The following KLF3 variants were observed in gnomAD, a reference collection of about 807,000 sequenced individuals.
KLF3 encodes the protein Krueppel-like factor 3.
In KLF3, 6 loss-of-function variants were observed where a neutral mutation model predicts 32.7. The ratio of observed to expected loss-of-function variants is 0.18; its 90% confidence interval spans 0.10 to 0.36. KLF3 has a LOEUF of 0.36. KLF3 is among the 10% of genes least tolerant of loss of function. The pLI is 1.00. For missense variants in KLF3, 338 were observed against 449.7 expected, an observed-to-expected ratio of 0.75 and a Z score of 2.25; for synonymous variants, 145 against 172.8, an observed-to-expected ratio of 0.84 and a Z score of 1.26.
rs1387318640 is a variant in KLF3, at chr4:38,699,564, A to G, written c.*2301A>G. 6.6e-6 allele frequency: 1 copy of G among 152,266 alleles called. No homozygotes were observed. Among genetic ancestry groups the G allele is most frequent in the African/African-American group, 2.4e-5 (1 of 41,468 alleles). The allele number at this position is 152,266 out of a possible 1,614,324, so 9.4% of individuals were successfully genotyped here. On this transcript the variant is annotated 3_prime_UTR_variant, in exon 6 of 6. Coordinates refer to ENST00000261438, the MANE Select transcript of KLF3 (RefSeq NM_016531.6). ...TGGGATCAGCTTTGAGCCTGAGTTC[A>G]GTGAATAGCCTCATGGGCATCTCAT...
intron 4 of KLF3, among the ~76,000 whole-genome samples, chr4:38,693,056 A>T (rs1276346305): frequency 3.5e-5 from 5 of 144,814 alleles, no homozygotes; most frequent in Non-Finnish European, 7.5e-5. Context: ...GTTTGCACAT[A>T]TATATATATG....
At chr4:38,675,397 C>T (rs1054810928) in intron 1 of KLF3, among the ~76,000 whole-genome samples, 4 of 151,870 alleles carry the variant, frequency 2.6e-5, no homozygotes, top group African/African-American at 7.3e-5. Flanking sequence ...CCTTCCCCCC[C>T]CTTTTGGATG....
chr4:38,701,006 A>G lies in KLF3; in HGVS notation c.*3743A>G, dbSNP rs1237617490. 1 of 152,214 alleles carries G rather than the reference A, an allele frequency of 6.6e-6. No individual in the cohort carries two copies. The highest frequency in any genetic ancestry group is 2.4e-5 in the African/African-American group (1 of 41,442). 9.4% of individuals were successfully genotyped at this position (152,214 alleles called of 1,614,324 possible). On this transcript the variant is annotated 3_prime_UTR_variant, in exon 6 of 6. Transcript: ENST00000261438. ...ATACTATATACAGTATGCAATATAT[A>G]TTATATACTTGTTAATAAAACCATC...
intron 1 of KLF3, among the ~76,000 whole-genome samples, chr4:38,668,798 G>A (rs180978502): frequency 6.6e-6 from 1 of 152,294 alleles, no homozygotes; most frequent in African/African-American, 2.4e-5. Flanking sequence ...GCAGGGAGAT[G>A]AAGTGGTTAA....
intron 4 of KLF3, 21 bp from the exon 5 acceptor site, chr4:38,694,725 C>T (rs1722999007): frequency 1.9e-6 from 3 of 1,542,804 alleles, no homozygotes; most frequent in African/African-American, 1.4e-5. Context: ...AACATTTGGC[C>T]TGTAACCTTG....
chr4:38,682,494 A>G (rs1019737738), intron 2 of KLF3, among the ~76,000 whole-genome samples: 1 of 152,256 alleles, frequency 6.6e-6, no homozygotes, highest in Admixed American at 6.5e-5. Flanking sequence ...TTCTTGAAAT[A>G]GGAATAGGTT....
Position 38,671,871 on chromosome 4 carries a change from T to G in KLF3, c.-40+7410T>G, listed in dbSNP as rs939149276. ...TCCTTGATCCCTTTTCAAAAACCTG[T>G]GTTTGTGCACACACCCCTTCCCCTT... On this transcript the variant is annotated intron_variant, in intron 1 of 5. Transcript: ENST00000261438. The surrounding 1 kb of genome is among the most constrained non-coding windows in gnomAD (Gnocchi z 4.4). Among the ~76,000 whole-genome samples the G allele has an allele frequency of 2.6e-5, 4 of 152,156 alleles. No individual in the cohort carries two copies. Among genetic ancestry groups the G allele is most frequent in the Non-Finnish European group, 5.9e-5 (4 of 68,032 alleles).
In KLF3 at chr4:38,671,968, A is replaced by G. The variant is rs371778959; in HGVS notation, c.-40+7507A>G. 2.6e-5 allele frequency among the ~76,000 whole-genome samples: 4 copies of G among 152,046 alleles called. No individual in the cohort carries two copies. The highest frequency in any genetic ancestry group is 3.9e-4 in the East Asian group (2 of 5,192). On this transcript the variant is annotated intron_variant, in intron 1 of 5. Coordinates refer to ENST00000261438, the MANE Select transcript of KLF3 (RefSeq NM_016531.6). This position sits in a 1 kb window ranked among gnomAD's most constrained non-coding sequence, Gnocchi z 4.4. ...TTTTCTATTTTAGATTTTAAAGTAC[A>G]GTAGAGACCTCGACACTAGACTTGT...
At chr4:38,676,003 A>G (rs1421732796) in intron 1 of KLF3, among the ~76,000 whole-genome samples, 1 of 152,208 alleles carries the variant, frequency 6.6e-6, no homozygotes, top group Non-Finnish European at 1.5e-5. Context: ...GTAGTCAGAG[A>G]TATGGGTGCA....
At position 38,678,445 on chromosome 4, in the gene KLF3, G is replaced by C. The variant is rs561708695; in HGVS notation, c.-39-2142G>C. ...TCTTGCTGGAATACATAAGAGGGTA[G>C]TAGCACTATTGATTTGAGCAGCTTG... On this transcript the variant is annotated intron_variant, in intron 1 of 5. Transcript: ENST00000261438. Among the ~76,000 whole-genome samples, 20 of 152,320 alleles carry C rather than the reference G, an allele frequency of 1.3e-4. 1 individual carries two copies. In the South Asian group the frequency reaches 3.5e-3, roughly 27 times the overall value.
chr4:38,679,674 T>G (rs187403441), intron 1 of KLF3, among the ~76,000 whole-genome samples: 2 of 152,332 alleles, frequency 1.3e-5, no homozygotes, highest in East Asian at 3.9e-4. Context: ...GTTCACACAG[T>G]GGCACGGGGG....
chr4:38,694,952 T>C, intron 5 of KLF3, 46 bp downstream of exon 5: 1 of 1,552,748 alleles, frequency 6.4e-7, no homozygotes, highest in Non-Finnish European at 8.7e-7. Flanking sequence ...TTAAGAAGTA[T>C]TAGAATGGAA....
intron 1 of KLF3, among the ~76,000 whole-genome samples, chr4:38,666,763 C>T (rs1272034843): frequency 2.0e-5 from 3 of 152,248 alleles, no homozygotes; most frequent in African/African-American, 7.2e-5. Context: ...AGATGTCCCA[C>T]AGTCTGTCTT....
At position 38,697,813 on chromosome 4, in the gene KLF3, T is replaced by A. The variant is rs1052058450; in HGVS notation, c.*550T>A. The A allele has an allele frequency of 6.6e-6, 1 of 152,278 alleles. No homozygotes were observed. The highest frequency in any genetic ancestry group is 2.4e-5 in the African/African-American group (1 of 41,454). The allele number at this position is 152,278 out of a possible 1,614,324, so 9.4% of individuals were successfully genotyped here. ...TCTTCACAAATCTTGTCAACCTGGATCTTAGACTTCATCTGAATCGAGTTC... is the reference window on the plus strand; with the variant it reads ...TCTTCACAAATCTTGTCAACCTGGAACTTAGACTTCATCTGAATCGAGTTC... On this transcript the variant is annotated 3_prime_UTR_variant, in exon 6 of 6. Transcript: ENST00000261438.
intron 1 of KLF3, among the ~76,000 whole-genome samples, chr4:38,666,348 T>G (rs768780502): frequency 2.7e-4 from 41 of 152,316 alleles, no homozygotes; most frequent in Non-Finnish European, 5.3e-4. Flanking sequence ...ATCTTCTTGT[T>G]GCTATGGGCA....
At position 38,701,249 on chromosome 4, in the gene KLF3, G is replaced by A. The variant is rs1218638461; in HGVS notation, c.*3986G>A. On this transcript the variant is annotated 3_prime_UTR_variant, in exon 6 of 6. Transcript: ENST00000261438. Reference sequence around the variant, plus strand: ...CTGGTTTTCTGAAAACAGCCAACAGGAAGTCTCCTAGGCTGAAATCATAAA... The same window carrying A: ...CTGGTTTTCTGAAAACAGCCAACAGAAAGTCTCCTAGGCTGAAATCATAAA... Among the ~76,000 whole-genome samples the A allele has an allele frequency of 6.6e-6, 1 of 152,176 alleles. No individual in the cohort carries two copies. Among genetic ancestry groups the A allele is most frequent in the African/African-American group, 2.4e-5 (1 of 41,440 alleles).
rs1722195292 is a variant in KLF3, at chr4:38,671,389, T to A, written c.-40+6928T>A. On this transcript the variant is annotated intron_variant, in intron 1 of 5. Coordinates refer to ENST00000261438, the MANE Select transcript of KLF3 (RefSeq NM_016531.6). This position sits in a 1 kb window ranked among gnomAD's most constrained non-coding sequence, Gnocchi z 4.4. ...GGCTAGGAAGAATAATTGCCTAATT[T>A]GGGGCCTTCAGAATGTGTCTTTTGA... Among the ~76,000 whole-genome samples, 2 of 152,182 alleles carry A rather than the reference T, an allele frequency of 1.3e-5. No homozygotes were observed. The highest frequency in any genetic ancestry group is 2.9e-5 in the Non-Finnish European group (2 of 68,034).
At chr4:38,686,975 T>C (rs1414960732) in intron 2 of KLF3, among the ~76,000 whole-genome samples, 1 of 151,980 alleles carries the variant, frequency 6.6e-6, no homozygotes, top group Non-Finnish European at 1.5e-5. Context: ...GGAAAGAGGG[T>C]GATCTCAGTA....
intron 1 of KLF3, among the ~76,000 whole-genome samples, chr4:38,673,135 A>C (rs1336117424): frequency 1.3e-5 from 2 of 152,234 alleles, no homozygotes; most frequent in East Asian, 3.8e-4. Flanking sequence ...ACTTCAGTGG[A>C]GAATCCTCAG....
Sources: allele counts gnomAD v4.1 joint callset (sites outside exome capture counted in the v4.1 genomes callset), GRCh38; gene constraint gnomAD v4.1.1; non-coding constraint Gnocchi (gnomAD v3.1); transcripts MANE v1.5; gene names NCBI Gene and HGNC (gene_info 2026-07-23, HGNC 2026-07-21).